Variants in TASOR2 observed in about 807,000 individuals in gnomAD.
TASOR2 encodes protein TASOR 2.
TASOR2 carries 84 observed loss-of-function variants against 199.5 expected under a neutral mutation model. The observed-to-expected ratio is 0.42, with a 90% confidence interval of 0.35 to 0.50. TASOR2 has a LOEUF of 0.50. Among genes scored for constraint, TASOR2 ranks in the 20% least tolerant of loss-of-function variants. The pLI, the probability that TASOR2 is intolerant of heterozygous loss-of-function variation, is 0.02. For missense variants in TASOR2, 2,796 were observed against 2,835.9 expected (o/e 0.99, Z 0.32); for synonymous variants, 1,103 against 1,046.6 (o/e 1.05, Z -1.04).
exon 15 of TASOR2, chr10:5,749,038 C>T: frequency 2.5e-6 from 4 of 1,614,104 alleles, no homozygotes; most frequent in East Asian, 2.2e-5. Flanking sequence ...GTTGAACTTC[C>T]ACAACAACAA....
rs1837397100 is a variant in TASOR2, at chr10:5,698,347, G to A, written c.-288+13172G>A. ...AGCTGAATTCAATGAACACTGTAGA[G>A]ATGTGAGTGATAAAAAAATGATTGT... On this transcript the variant is annotated intron_variant, in intron 1 of 20. Transcript: ENST00000328090. This position sits in a 1 kb window ranked among gnomAD's most constrained non-coding sequence, Gnocchi z 4.4. 6.6e-6 allele frequency among the ~76,000 whole-genome samples: 1 copy of A among 152,158 alleles called. No homozygotes were observed. Among genetic ancestry groups the A allele is most frequent in the South Asian group, 2.1e-4 (1 of 4,830 alleles).
rs1264147513 is a variant in TASOR2 at position 5,740,228 on chromosome 10, T to C, written c.2058T>C (p.Pro686=). The change falls in exon 13 of 21, where the codon CCT becomes CCC. Residue 686 remains proline (P), a synonymous_variant. Coordinates refer to ENST00000328090, the Ensembl canonical transcript of TASOR2. The surrounding 1 kb of genome is among the most constrained non-coding windows in gnomAD (Gnocchi z 5.3). The stretch of plus-strand genomic sequence containing the variant: ...TTCCCAGGAATGGGACAAAAAGCCC[T>C]GAAGCAGCAACCCCAGTGGGGAAAG... 3 of 1,614,090 alleles carry C rather than the reference T, an allele frequency of 1.9e-6. No individual in the cohort carries two copies. Among genetic ancestry groups the C allele is most frequent in the African/African-American group, 1.3e-5 (1 of 74,926 alleles).
rs1564352228 is a variant in TASOR2, at chr10:5,748,438, C to G, written c.5017C>G (p.Pro1673Ala). 4.3e-6 allele frequency: 7 copies of G among 1,614,164 alleles called. No individual in the cohort carries two copies. The highest frequency in any genetic ancestry group is 4.2e-6 in the Non-Finnish European group (5 of 1,180,038). ...TGCTACATTAACCCATTATGTAAGA[C>G]CAATAAATGCAGAGCCAGTGTTTCA... Residue 1673 changes from proline (P) to alanine (A), a missense_variant, in exon 15 of 21, where the codon CCA (proline) becomes GCA (alanine). Transcript: ENST00000328090. This position sits in a 1 kb window ranked among gnomAD's most constrained non-coding sequence, Gnocchi z 5.1.
At chr10:5,707,413 C>G (rs1432085996) in intron 1 of TASOR2, among the ~76,000 whole-genome samples, 1 of 152,086 alleles carries the variant, frequency 6.6e-6, no homozygotes, top group Non-Finnish European at 1.5e-5. Flanking sequence ...CTGTTCTGTT[C>G]CGTTCTATGT....
rs11254115 is a variant in TASOR2, at chr10:5,705,460, G to T, written c.-287-7363G>T. Among the ~76,000 whole-genome samples the T allele has an allele frequency of 0.033, 5,085 of 152,194 alleles. 646 individuals are homozygous for T. In the East Asian group the frequency reaches 0.44, roughly 13 times the overall value. Reference sequence around the variant, plus strand: ...CTGCTCTGAACATTCATGTGCAAGTGTTTTTGTGGATATGTTTTATTCTCT... The same window carrying T: ...CTGCTCTGAACATTCATGTGCAAGTTTTTTTGTGGATATGTTTTATTCTCT... On this transcript the variant is annotated intron_variant, in intron 1 of 20. Transcript: ENST00000328090.
chr10:5,756,607 T>C lies in TASOR2; in HGVS notation c.6607-6T>C, dbSNP rs186320132. On this transcript the variant is annotated splice_region_variant and splice_polypyrimidine_tract_variant and intron_variant, in intron 15 of 20. Coordinates refer to ENST00000328090, the Ensembl canonical transcript of TASOR2. ...TTTTAATAATGGCTATTTGTAAATC[T>C]TTCAGAACCTTCTGAGGAAAGGAGG... 1,333 of 1,612,358 alleles carry C rather than the reference T, an allele frequency of 8.3e-4. 5 individuals are homozygous for C. The highest frequency in any genetic ancestry group is 1.0e-3 in the Non-Finnish European group (1,177 of 1,179,508).
At chr10:5,704,415 A>G (rs1291034389) in intron 1 of TASOR2, among the ~76,000 whole-genome samples, 4 of 152,060 alleles carry the variant, frequency 2.6e-5, no homozygotes, top group East Asian at 3.9e-4. Context: ...TATGATTTCA[A>G]TTTTTTCTAT....
chr10:5,754,795 G>A lies in TASOR2; in HGVS notation c.6607-1818G>A, dbSNP rs1019686776. Among the ~76,000 whole-genome samples the A allele has an allele frequency of 6.6e-6, 1 of 152,140 alleles. No individual in the cohort carries two copies. The highest frequency in any genetic ancestry group is 2.4e-5 in the African/African-American group (1 of 41,436). Reference sequence around the variant, plus strand: ...GCGGTGGCTCACGCCTGTAATCCCAGCACTTTGGGAGGCCGAGGTGGGCGG... The same window carrying A: ...GCGGTGGCTCACGCCTGTAATCCCAACACTTTGGGAGGCCGAGGTGGGCGG... On this transcript the variant is annotated intron_variant, in intron 15 of 20. Transcript: ENST00000328090. The surrounding 1 kb of genome is among the most constrained non-coding windows in gnomAD (Gnocchi z 4.3).
At chr10:5,715,074 T>C (rs980005039) in intron 2 of TASOR2, among the ~76,000 whole-genome samples, 16 of 152,264 alleles carry the variant, frequency 1.1e-4, no homozygotes, top group African/African-American at 3.6e-4. Flanking sequence ...AGCAGTCTGT[T>C]ACCTGGAGAC....
chr10:5,747,274 G>C (rs775783299), exon 15 of TASOR2: 2 of 1,614,160 alleles, frequency 1.2e-6, no homozygotes, highest in Non-Finnish European at 1.7e-6. Flanking sequence ...CATTGACTTA[G>C]CTCTAACAAT....
chr10:5,758,916 G>A (rs1471945535), exon 18 of TASOR2: 2 of 1,613,860 alleles, frequency 1.2e-6, no homozygotes, highest in East Asian at 4.5e-5. Flanking sequence ...CAAAATCCTG[G>A]AAAAACTAAA....
At chr10:5,739,976 T>A in exon 13 of TASOR2, 1 of 1,614,122 alleles carries the variant, frequency 6.2e-7, no homozygotes, top group Non-Finnish European at 8.5e-7. Context: ...CATCTTCTGA[T>A]AGGAAGAGTA....
At position 5,742,419 on chromosome 10, in the gene TASOR2, C is replaced by G. The variant is rs1170334081; in HGVS notation, c.2650C>G (p.Gln884Glu). The G allele has an allele frequency of 6.2e-7, 1 of 1,614,056 alleles. No homozygotes were observed. The highest frequency in any genetic ancestry group is 1.3e-5 in the African/African-American group (1 of 74,996). ...TCCTTTCATTAAAACACCACTTACC[C>G]AAGGCTTGGAACTCTGTGTACAAAA... Residue 884 changes from glutamine (Q) to glutamate (E), a missense_variant, in exon 14 of 21, where the codon CAA (glutamine) becomes GAA (glutamate). Physicochemically the swap from Gln to Glu is conservative, Grantham distance 29. This residue lies in a region of TASOR2 where 1,941 missense variants were observed against 1,924.9 expected (regional missense o/e 1.01). Transcript: ENST00000328090. This position sits in a 1 kb window ranked among gnomAD's most constrained non-coding sequence, Gnocchi z 4.2.
intron 12 of TASOR2, among the ~76,000 whole-genome samples, chr10:5,736,422 A>G (rs1023364220): frequency 6.8e-6 from 1 of 146,262 alleles, no homozygotes; most frequent in African/African-American, 2.5e-5. Flanking sequence ...CGTCTCAGAA[A>G]AAAAAAAAAG....
chr10:5,747,577 G>A (rs765603735), exon 15 of TASOR2: 2 of 1,613,996 alleles, frequency 1.2e-6, no homozygotes, highest in African/African-American at 1.3e-5. Flanking sequence ...GGAAATTAAT[G>A]TGACCTCTGA....
chr10:5,731,235 A>T (rs1164517702), intron 11 of TASOR2, 32 bp downstream of exon 12: 1 of 1,578,302 alleles, frequency 6.3e-7, no homozygotes, highest in East Asian at 2.2e-5. Context: ...GGGTTATTAT[A>T]ATAATAGTTG....
At position 5,762,527 on chromosome 10, in the gene TASOR2, AACAG is replaced by A; in HGVS notation, c.7175-1_7177del. ...CCAAAAGTTGTTTTTTTTTTTTTTT[AACAG>A]ACAAGCCTACTATCCCCAGAGAAGT... On this transcript the variant is annotated splice_acceptor_variant and splice_polypyrimidine_tract_variant and intron_variant, in intron 19 of 20. Transcript: ENST00000328090. LOFTEE classifies it high-confidence loss of function. The A allele has an allele frequency of 1.9e-6, 1 of 518,482 alleles. No individual in the cohort carries two copies. Among genetic ancestry groups the A allele is most frequent in the Non-Finnish European group, 2.8e-6 (1 of 354,644 alleles). The allele number at this position is 518,482 out of a possible 1,614,324, so 32.1% of individuals were successfully genotyped here. A position where few individuals can be genotyped will look rare whatever the true frequency, so the allele number is the denominator to read the frequency against.
In TASOR2 at chr10:5,698,467, C is replaced by T. The variant is rs1465507919; in HGVS notation, c.-288+13292C>T. On this transcript the variant is annotated intron_variant, in intron 1 of 20. Transcript: ENST00000328090. The surrounding 1 kb of genome is among the most constrained non-coding windows in gnomAD (Gnocchi z 4.4). ...AAAATAAAAAAAGAGAGAGAAAAAC[C>T]ACAATTTTCTACAGACGATATTTTT... Among the ~76,000 whole-genome samples, 1 of 152,034 alleles carries T rather than the reference C, an allele frequency of 6.6e-6. No homozygotes were observed. Among genetic ancestry groups the T allele is most frequent in the African/African-American group, 2.4e-5 (1 of 41,384 alleles).
chr10:5,715,529 C>T (rs942619920), intron 2 of TASOR2, among the ~76,000 whole-genome samples: 1 of 152,104 alleles, frequency 6.6e-6, no homozygotes, highest in Non-Finnish European at 1.5e-5. Context: ...GTTTTTAAGG[C>T]ATATTGTAGC....
Sources: allele counts gnomAD v4.1 joint callset (sites outside exome capture counted in the v4.1 genomes callset), GRCh38; gene constraint gnomAD v4.1.1; regional missense constraint gnomAD v4.1.1; non-coding constraint Gnocchi (gnomAD v3.1); transcripts MANE v1.5; gene names NCBI Gene and HGNC (gene_info 2026-07-23, HGNC 2026-07-21).